The following MRPL3 variants were observed in gnomAD, a reference collection of about 807,000 sequenced individuals.
The protein encoded by MRPL3 is large ribosomal subunit protein uL3m.
Under a neutral mutation model 44.3 loss-of-function variants are expected in MRPL3, and 43 were observed. The observed-to-expected ratio is 0.97, with a 90% CI of 0.76 to 1.25. The LOEUF is 1.25. MRPL3 is among the 50% of genes most tolerant of loss of function. MRPL3 has a pLI of 0.00. For synonymous variants in MRPL3, 171 were observed against 152.3 expected, an observed-to-expected ratio of 1.12 and a Z score of -0.91; for missense variants, 406 against 427.6, an observed-to-expected ratio of 0.95 and a Z score of 0.45.
chr3:131,471,516 G>A (rs1933742816), intron 6 of MRPL3, among the ~76,000 whole-genome samples: 1 of 152,192 alleles, frequency 6.6e-6, no homozygotes, highest in Non-Finnish European at 1.5e-5. Flanking sequence ...TCAAGATTGT[G>A]AGACACCAGC....
chr3:131,473,362 G>C (rs753584492), intron 6 of MRPL3, among the ~76,000 whole-genome samples: 1 of 151,854 alleles, frequency 6.6e-6, no homozygotes, highest in Non-Finnish European at 1.5e-5. Flanking sequence ...CACATGTAAT[G>C]AGGTTAGACC....
intron 4 of MRPL3, among the ~76,000 whole-genome samples, chr3:131,492,043 A>T (rs988521794): frequency 6.6e-6 from 1 of 151,936 alleles, no homozygotes; most frequent in African/African-American, 2.4e-5. Context: ...TAGCCTCAAG[A>T]CCTTTGCGCA....
chr3:131,465,424 CCATT>C (rs1412005714), intron 9 of MRPL3, among the ~76,000 whole-genome samples: 1 of 152,140 alleles, frequency 6.6e-6, no homozygotes, highest in East Asian at 1.9e-4. Flanking sequence ...AGATAATTGA[CCATT>C]CATCTCTGCT....
Position 131,469,474 on chromosome 3 carries a change from A to G in MRPL3, c.816+222T>C, listed in dbSNP as rs16836769. ...CTAATTTTGTCTCTTTAATGACTGC[A>G]CTTTTCATGGCCTGAAATATACCCT... On this transcript the variant is annotated intron_variant, in intron 8 of 9. Transcript: ENST00000264995. Among the ~76,000 whole-genome samples the G allele has an allele frequency of 0.012, 1,802 of 149,646 alleles. 34 individuals carry two copies. Among genetic ancestry groups the G allele is most frequent in the East Asian group, 0.077 (380 of 4,940 alleles).
rs144899577 is a variant in MRPL3, at chr3:131,493,945, A to G, written c.469-3865T>C. Among the ~76,000 whole-genome samples, 78 of 152,320 alleles carry G rather than the reference A, an allele frequency of 5.1e-4. 1 individual carries two copies. The East Asian group carries it at 0.013, about 26-fold the overall frequency. ...GAGTCAGACTTGTTTGTAGAATATA[A>G]TATGTGAATACTTAGCAAACTTTAG... On this transcript the variant is annotated intron_variant, in intron 4 of 9. Transcript: ENST00000264995.
At chr3:131,485,032 A>G (rs928979726) in intron 6 of MRPL3, among the ~76,000 whole-genome samples, 2 of 152,164 alleles carry the variant, frequency 1.3e-5, no homozygotes, top group African/African-American at 4.8e-5. Flanking sequence ...GTTGACTATC[A>G]CTACTTTAAA....
At chr3:131,501,466 A>AT (rs779555683) in intron 2 of MRPL3, 65 bp downstream of exon 2, 1 of 1,265,998 alleles carries the variant, frequency 7.9e-7, no homozygotes, top group African/African-American at 1.5e-5. Context: ...AGTCACTATG[A>AT]TTTTAAATGT....
At chr3:131,475,566 A>C (rs148032196) in intron 6 of MRPL3, among the ~76,000 whole-genome samples, 1,616 of 152,348 alleles carry the variant, frequency 0.011, 26 homozygotes, top group African/African-American at 0.035. Context: ...AGTCACTTTT[A>C]TAAGAATAAT....
chr3:131,489,497 T>C (rs1934200226), intron 5 of MRPL3, among the ~76,000 whole-genome samples: 1 of 152,142 alleles, frequency 6.6e-6, no homozygotes, highest in African/African-American at 2.4e-5. Context: ...GCTAACCATA[T>C]GAGCCAATAT....
chr3:131,497,092 C>T (rs1436879622), intron 4 of MRPL3, among the ~76,000 whole-genome samples: 1 of 152,208 alleles, frequency 6.6e-6, no homozygotes, highest in African/African-American at 2.4e-5. Context: ...TGGCTGTCTC[C>T]GGTTCTGTGC....
chr3:131,477,950 C>T (rs1286909713), intron 6 of MRPL3, among the ~76,000 whole-genome samples: 1 of 152,116 alleles, frequency 6.6e-6, no homozygotes, highest in Non-Finnish European at 1.5e-5. Context: ...CCTCTTGCTG[C>T]CTCTGATTCT....
intron 6 of MRPL3, among the ~76,000 whole-genome samples, chr3:131,482,222 A>G (rs538422916): frequency 6.6e-6 from 1 of 151,946 alleles, no homozygotes; most frequent in African/African-American, 2.4e-5. Context: ...CCCTCCCCTT[A>G]ATTTTTATTA....
intron 6 of MRPL3, among the ~76,000 whole-genome samples, chr3:131,482,681 G>T (rs1934018521): frequency 6.6e-6 from 1 of 152,028 alleles, no homozygotes. Flanking sequence ...TTCTAGACAT[G>T]ATTTTTAAAT....
intron 9 of MRPL3, among the ~76,000 whole-genome samples, chr3:131,465,767 T>C (rs374785060): frequency 9.9e-5 from 15 of 152,180 alleles, no homozygotes; most frequent in Admixed American, 2.6e-4. Context: ...GCTTCAACTA[T>C]CTGTCATTGT....
intron 4 of MRPL3, among the ~76,000 whole-genome samples, chr3:131,491,279 T>C (rs1383494142): frequency 6.6e-6 from 1 of 152,132 alleles, no homozygotes; most frequent in African/African-American, 2.4e-5. Context: ...TCAACCACAC[T>C]GGTTGATACT....
rs771734602 is a variant in MRPL3, at chr3:131,490,101, A to G, written c.469-21T>C. The G allele has an allele frequency of 4.6e-5, 68 of 1,486,326 alleles. 1 individual carries two copies. Among genetic ancestry groups the G allele is most frequent in the East Asian group, 9.0e-5 (4 of 44,232 alleles). The allele number at this position is 1,486,326 out of a possible 1,614,324, so 92.1% of individuals were successfully genotyped here. On this transcript the variant is annotated intron_variant, in intron 4 of 9. Transcript: ENST00000264995. ...GCTTTCTAGAGGAAAAGCAGCACATATAAGTAATACATTGAATATTAAAAG... is the reference window on the plus strand; with the variant it reads ...GCTTTCTAGAGGAAAAGCAGCACATGTAAGTAATACATTGAATATTAAAAG...
intron 6 of MRPL3, among the ~76,000 whole-genome samples, chr3:131,484,207 A>G (rs17356063): frequency 0.14 from 21,353 of 152,152 alleles, 1,636 homozygotes; most frequent in Middle Eastern, 0.2. Context: ...AAAGTGGTTT[A>G]ACTGATGAGC....
intron 4 of MRPL3, among the ~76,000 whole-genome samples, chr3:131,495,319 A>G (rs1934342851): frequency 6.6e-6 from 1 of 152,184 alleles, no homozygotes; most frequent in African/African-American, 2.4e-5. Context: ...ATGTATTTAC[A>G]AAGAATTCTA....
At chr3:131,497,883 G>C (rs570564061) in intron 4 of MRPL3, 1 of 284,650 alleles carries the variant, frequency 3.5e-6, no homozygotes, top group Non-Finnish European at 6.5e-6. Context: ...TTTAATCCTT[G>C]TGATAAATCT....
Sources: gnomAD v4.1 joint callset for allele counts (sites outside exome capture counted in the v4.1 genomes callset) on GRCh38, gnomAD v4.1.1 for gene constraint, MANE v1.5 for transcripts, NCBI Gene and HGNC (gene_info 2026-07-23, HGNC 2026-07-21) for gene names.